Variants in SHISA9 observed in about 807,000 individuals in gnomAD.
The protein encoded by SHISA9 is shisa family member 9, also known as protein shisa-9.
In SHISA9, 13 loss-of-function variants were observed where a neutral mutation model predicts 38.0. That is an observed-to-expected ratio of 0.34 (90% confidence interval 0.22 to 0.54). SHISA9 has a LOEUF of 0.54. Ranked by LOEUF, SHISA9 falls within the 20% of genes least tolerant of loss-of-function variation. SHISA9 has a pLI of 0.91. For missense variants in SHISA9, 538 were observed against 575.8 expected (o/e 0.93, Z 0.67); for synonymous variants, 275 against 242.0 (o/e 1.14, Z -1.27).
Position 12,978,670 on chromosome 16 carries a change from A to T in SHISA9, c.691+61855A>T, listed in dbSNP as rs564803944. Among the ~76,000 whole-genome samples, 358 of 152,330 alleles carry T rather than the reference A, an allele frequency of 2.4e-3. 2 individuals carry two copies. Among genetic ancestry groups the T allele is most frequent in the African/African-American group, 8.2e-3 (342 of 41,588 alleles). On this transcript the variant is annotated intron_variant, in intron 2 of 4. Transcript: ENST00000558583. ...TTGAAGCAGTGTCTCATCACCTTGGATGAGGAGATGGCTTGACATCATCGT... is the reference window on the plus strand; with the variant it reads ...TTGAAGCAGTGTCTCATCACCTTGGTTGAGGAGATGGCTTGACATCATCGT...
At chr16:12,989,716 C>G (rs2072359830) in intron 2 of SHISA9, among the ~76,000 whole-genome samples, 1 of 152,070 alleles carries the variant, frequency 6.6e-6, no homozygotes, top group Non-Finnish European at 1.5e-5. Flanking sequence ...TTAAAAGTAA[C>G]ATTTTAGACA....
intron 2 of SHISA9, among the ~76,000 whole-genome samples, chr16:13,059,609 C>G (rs948912461): frequency 1.3e-5 from 2 of 152,106 alleles, no homozygotes; most frequent in African/African-American, 2.4e-5. Context: ...GTACAGCAAA[C>G]CACCATGGCA....
the SHISA9 span, among the ~76,000 whole-genome samples, chr16:13,555,365 G>C: frequency 3.9e-5 from 6 of 152,176 alleles, no homozygotes; most frequent in South Asian, 1.2e-3. Context: ...AATAAAGATG[G>C]TATAACCTTC....
the SHISA9 span, among the ~76,000 whole-genome samples, chr16:13,324,108 A>T: frequency 2.0e-5 from 3 of 152,170 alleles, no homozygotes; most frequent in African/African-American, 7.2e-5. Context: ...GCCTTCTGCA[A>T]TGATTGCAAG....
the SHISA9 span, among the ~76,000 whole-genome samples, chr16:13,419,030 A>C: frequency 6.6e-6 from 1 of 152,346 alleles, no homozygotes; most frequent in South Asian, 2.1e-4. Context: ...AAACTTTAGT[A>C]AAATGTGGAT....
At chr16:13,505,157 C>T in the SHISA9 span, among the ~76,000 whole-genome samples, 1 of 152,170 alleles carries the variant, frequency 6.6e-6, no homozygotes, top group Admixed American at 6.5e-5. Flanking sequence ...GACCAAAGCA[C>T]GAGAGGGGAG....
chr16:13,382,482 A>G, the SHISA9 span, among the ~76,000 whole-genome samples: 1 of 149,324 alleles, frequency 6.7e-6, no homozygotes, highest in Non-Finnish European at 1.5e-5. Context: ...GTGAGCCGAG[A>G]TCGCGCCACT....
the SHISA9 span, among the ~76,000 whole-genome samples, chr16:13,302,677 G>T: frequency 6.6e-6 from 1 of 152,150 alleles, no homozygotes; most frequent in East Asian, 1.9e-4. Flanking sequence ...CTTCCATCTA[G>T]ATAATCTCAC....
At chr16:13,367,748 A>ACACACC in the SHISA9 span, among the ~76,000 whole-genome samples, 3 of 143,584 alleles carry the variant, frequency 2.1e-5, no homozygotes, top group Non-Finnish European at 4.5e-5. Flanking sequence ...ACACACACAC[A>ACACACC]CCCCTGAATT....
the SHISA9 span, among the ~76,000 whole-genome samples, chr16:13,440,833 A>G: frequency 5.3e-5 from 8 of 151,790 alleles, no homozygotes; most frequent in African/African-American, 1.7e-4. Context: ...GAGGCAGGAG[A>G]GTCGTTTGAA....
At chr16:13,440,127 A>C in the SHISA9 span, among the ~76,000 whole-genome samples, 1 of 152,184 alleles carries the variant, frequency 6.6e-6, no homozygotes, top group Non-Finnish European at 1.5e-5. Flanking sequence ...TCACGCAGTC[A>C]AATGCCCCCA....
chr16:13,110,790 G>C (rs544587599), intron 2 of SHISA9, among the ~76,000 whole-genome samples: 140 of 152,330 alleles, frequency 9.2e-4, no homozygotes, highest in Non-Finnish European at 1.6e-3. Context: ...GTACTGAATT[G>C]AGTCTTTGTA....
At chr16:13,286,386 T>A in the SHISA9 span, among the ~76,000 whole-genome samples, 663 of 152,292 alleles carry the variant, frequency 4.4e-3, 14 homozygotes, top group Admixed American at 0.033. Context: ...AGTCTCCACT[T>A]ACAATTTTAT....
chr16:13,118,652 C>G (rs183866336), intron 2 of SHISA9, among the ~76,000 whole-genome samples: 9 of 152,254 alleles, frequency 5.9e-5, no homozygotes, highest in Admixed American at 2.0e-4. Flanking sequence ...CCGATGGTGA[C>G]CACACCTTGA....
the SHISA9 span, among the ~76,000 whole-genome samples, chr16:13,495,859 A>G: frequency 6.6e-6 from 1 of 152,166 alleles, no homozygotes; most frequent in Non-Finnish European, 1.5e-5. Flanking sequence ...TGTAGGACAA[A>G]CACACAAACC....
the SHISA9 span, among the ~76,000 whole-genome samples, chr16:13,307,546 A>T: frequency 6.6e-6 from 1 of 152,350 alleles, no homozygotes; most frequent in South Asian, 2.1e-4. Flanking sequence ...GACTGTAGAC[A>T]TGACTAATTG....
the SHISA9 span, among the ~76,000 whole-genome samples, chr16:13,475,740 GAA>G: frequency 5.9e-5 from 9 of 152,122 alleles, no homozygotes; most frequent in Non-Finnish European, 1.3e-4. Context: ...CCACAATGTA[GAA>G]TCAGTGAGAG....
At chr16:13,193,072 A>C (rs2050902353) in intron 2 of SHISA9, among the ~76,000 whole-genome samples, 1 of 152,210 alleles carries the variant, frequency 6.6e-6, no homozygotes, top group Non-Finnish European at 1.5e-5. Context: ...AGACAGAAGG[A>C]AGTTTCTGTC....
the SHISA9 span, among the ~76,000 whole-genome samples, chr16:13,297,546 G>T: frequency 1.3e-5 from 2 of 152,156 alleles, no homozygotes; most frequent in Non-Finnish European, 1.5e-5. Context: ...TGAGAAAACA[G>T]CATGCATATA....
Sources: allele counts gnomAD v4.1 joint callset (sites outside exome capture counted in the v4.1 genomes callset), GRCh38; gene constraint gnomAD v4.1.1; transcripts MANE v1.5; gene names NCBI Gene and HGNC (gene_info 2026-07-23, HGNC 2026-07-21).